Variants in SKOR2 observed in about 807,000 individuals in gnomAD.
SKOR2 encodes SKI family transcriptional corepressor 2, also known as LBX1 corepressor 1-like protein.
SKOR2 carries 47 observed loss-of-function variants against 69.1 expected under a neutral mutation model. The ratio of observed to expected loss-of-function variants is 0.68; its 90% CI spans 0.54 to 0.87. The LOEUF (loss-of-function observed/expected upper bound fraction) is 0.87, where lower values mean the gene tolerates loss of function less well. Among genes scored for constraint, SKOR2 ranks in the 40% least tolerant of loss-of-function variants. SKOR2 has a pLI of 0.00. For missense variants in SKOR2, 1,404 were observed against 1,472.2 expected, an observed-to-expected ratio of 0.95 and a Z score of 0.76; for synonymous variants, 717 against 672.6, an observed-to-expected ratio of 1.07 and a Z score of -1.02.
chr18:47,247,432 C>T lies in SKOR2; in HGVS notation c.1752G>A (p.Gly584=), dbSNP rs1215927995. ...CAGACCCGGCGGCCGCGGCCCCTGC[C>T]CCGGCAGCTGCCACAGAGTCCGCGG... ...TPPADSVAAA[G]AGAAAAGSGP... is the part of the protein sequence containing the mutation. Residue 584 remains glycine (G), a synonymous_variant, in exon 2 of 9, where the codon GGG becomes GGA. Coordinates refer to ENST00000425639, the MANE Select transcript of SKOR2 (RefSeq NM_001278063.4). The surrounding 1 kb of genome is among the most constrained non-coding windows in gnomAD (Gnocchi z 6.6). The T allele has an allele frequency of 4.7e-6, 6 of 1,282,494 alleles. No individual in the cohort carries two copies. In the African/African-American group the frequency reaches 7.8e-5, roughly 17 times the overall value. 79.4% of individuals were successfully genotyped at this position (1,282,494 alleles called of 1,614,324 possible).
intron 8 of SKOR2, among the ~76,000 whole-genome samples, chr18:47,211,221 G>A (rs1407770648): frequency 1.3e-5 from 2 of 152,172 alleles, no homozygotes; most frequent in Non-Finnish European, 2.9e-5. Flanking sequence ...AGTGGGAAGA[G>A]TCATTCTGAT....
rs2064276058 is a variant in SKOR2, at chr18:47,246,737, G to A, written c.2447C>T (p.Ser816Phe). Residue 816 changes from serine (S) to phenylalanine (F), a missense_variant, in exon 2 of 9, where the codon TCC (serine) becomes TTC (phenylalanine). Coordinates refer to ENST00000425639, the MANE Select transcript of SKOR2 (RefSeq NM_001278063.4). ...CCCGTCTTCCTGCAGCAGCCTGGAG[G>A]AGTTCAGGCCGAGCGGGAACGCGCC... is the stretch of plus-strand genomic sequence containing the variant. ...VAGAFPLGLN[S>F]SRLLQEDGKL... The A allele has an allele frequency of 2.8e-6, 4 of 1,426,684 alleles. No homozygotes were observed. The highest frequency in any genetic ancestry group is 1.5e-5 in the African/African-American group (1 of 65,888). 88.4% of individuals were successfully genotyped at this position (1,426,684 alleles called of 1,614,324 possible). A position where few individuals can be genotyped will look rare whatever the true frequency, so the allele number is the denominator to read the frequency against.
intron 6 of SKOR2, among the ~76,000 whole-genome samples, chr18:47,228,981 A>T (rs1362789126): frequency 6.6e-6 from 1 of 152,082 alleles, no homozygotes; most frequent in Non-Finnish European, 1.5e-5. Context: ...CACTTTGCAG[A>T]CCCTCCCATT....
chr18:47,240,647 G>T (rs543729761), intron 4 of SKOR2, among the ~76,000 whole-genome samples: 1 of 152,150 alleles, frequency 6.6e-6, no homozygotes, highest in African/African-American at 2.4e-5. Context: ...TTAATGAAAA[G>T]TAATAGTTAC....
At chr18:47,234,645 A>T (rs967851296) in intron 4 of SKOR2, 1 of 151,904 alleles carries the variant, frequency 6.6e-6, no homozygotes, top group Non-Finnish European at 1.5e-5. Context: ...TGGATCACCT[A>T]AGGTCAGGAG....
At chr18:47,228,435 G>A (rs2064186306) in intron 6 of SKOR2, among the ~76,000 whole-genome samples, 1 of 152,202 alleles carries the variant, frequency 6.6e-6, no homozygotes, top group African/African-American at 2.4e-5. Flanking sequence ...TTGTTTAACG[G>A]AAACATGTAC....
rs2064275050 is a variant in SKOR2, at chr18:47,246,658, G to A, written c.2526C>T (p.Ala842=). The A allele has an allele frequency of 2.7e-6, 4 of 1,503,280 alleles. No homozygotes were observed. Among genetic ancestry groups the A allele is most frequent in the African/African-American group, 2.9e-5 (2 of 69,522 alleles). 93.1% of individuals were successfully genotyped at this position (1,503,280 alleles called of 1,614,324 possible). A position where few individuals can be genotyped will look rare whatever the true frequency, so the allele number is the denominator to read the frequency against. Reference sequence around the variant, plus strand: ...TGCCGCCGCCACTCGCCTTCTGGGGGGCCAGGGGCGGCGGCGGGGGCGGGG... The same window carrying A: ...TGCCGCCGCCACTCGCCTTCTGGGGAGCCAGGGGCGGCGGCGGGGGCGGGG... ...DLPPPPPPPL[A]PQKASGGGSS... is the part of the protein sequence containing the mutation. The change falls in exon 2 of 9, where the codon GCC becomes GCT. Residue 842 remains alanine (A), a synonymous_variant. Transcript: ENST00000425639.
intron 6 of SKOR2, among the ~76,000 whole-genome samples, chr18:47,224,710 G>A (rs2064172913): frequency 6.6e-6 from 1 of 151,972 alleles, no homozygotes; most frequent in Non-Finnish European, 1.5e-5. Flanking sequence ...GACCTCCTGG[G>A]TTCAAGTGAT....
At chr18:47,214,849 C>A (rs2064138927) in intron 7 of SKOR2, among the ~76,000 whole-genome samples, 1 of 152,104 alleles carries the variant, frequency 6.6e-6, no homozygotes, top group Non-Finnish European at 1.5e-5. Context: ...CCATGCAAAT[C>A]TCCTACAATA....
intron 4 of SKOR2, among the ~76,000 whole-genome samples, chr18:47,235,004 G>A (rs2064216168): frequency 2.0e-5 from 3 of 152,098 alleles, no homozygotes; most frequent in Admixed American, 2.0e-4. Context: ...AAAAAAACTG[G>A]TTTGAAGTTG....
chr18:47,247,694 C>A lies in SKOR2; in HGVS notation c.1490G>T (p.Cys497Phe). ...PPPQPPSALG[C>F]ALGESPALLR... ...CAGGGCCGGGCTTTCGCCTAGCGCG[C>A]AGCCTAGCGCCGAGGGCGGCTGAGG... The change falls in exon 2 of 9, where the codon TGC (cysteine) becomes TTC (phenylalanine). Residue 497 changes from cysteine to phenylalanine, a missense_variant. Coordinates refer to ENST00000425639, the MANE Select transcript of SKOR2 (RefSeq NM_001278063.4). This position sits in a 1 kb window ranked among gnomAD's most constrained non-coding sequence, Gnocchi z 6.6. 1.5e-6 allele frequency: 2 copies of A among 1,355,658 alleles called. No homozygotes were observed. The highest frequency in any genetic ancestry group is 1.8e-5 in the South Asian group (1 of 55,256). 84.0% of individuals were successfully genotyped at this position (1,355,658 alleles called of 1,614,324 possible).
At chr18:47,237,536 G>A (rs1042787108) in intron 4 of SKOR2, among the ~76,000 whole-genome samples, 2 of 152,152 alleles carry the variant, frequency 1.3e-5, no homozygotes, top group East Asian at 3.8e-4. Context: ...CAATAAATAA[G>A]AGCATTTAAA....
intron 6 of SKOR2, among the ~76,000 whole-genome samples, chr18:47,223,480 A>G (rs1415905737): frequency 6.6e-6 from 1 of 152,216 alleles, no homozygotes; most frequent in Non-Finnish European, 1.5e-5. Context: ...CTTTAACACA[A>G]CAACACTTTT....
Position 47,246,572 on chromosome 18 carries a change from T to C in SKOR2, c.2612A>G (p.Asp871Gly). ...AAGGAGCCTAAAGGGGATATTTACA[T>C]CTTTGTAGGAGGGCTGCTCCTCCAG... ...PSLEEQPSYK[D>G]SQKTKENNQV... Residue 871 changes from aspartate to glycine, a missense_variant and splice_region_variant, in exon 2 of 9, where the codon GAT (aspartate) becomes GGT (glycine). Transcript: ENST00000425639. The C allele has an allele frequency of 6.6e-7, 1 of 1,514,986 alleles. No homozygotes were observed. The highest frequency in any genetic ancestry group is 1.2e-5 in the South Asian group (1 of 82,746). 93.8% of individuals were successfully genotyped at this position (1,514,986 alleles called of 1,614,324 possible).
rs749861017 is a variant in SKOR2, at chr18:47,246,706, G to A, written c.2478C>T (p.Leu826=). The change falls in exon 2 of 9, where the codon CTC becomes CTT. Residue 826 remains leucine, a synonymous_variant. Transcript: ENST00000425639. ...GGGGCAGGTCCGAGCCGGGGTCCCC[G>A]AGTTTCCCGTCTTCCTGCAGCAGCC... is the stretch of plus-strand genomic sequence containing the variant. ...SSRLLQEDGK[L]GDPGSDLPPP... is the part of the protein sequence containing the mutation. 1.4e-6 allele frequency: 2 copies of A among 1,455,332 alleles called. No homozygotes were observed. Among genetic ancestry groups the A allele is most frequent in the South Asian group, 1.4e-5 (1 of 72,936 alleles). The allele number at this position is 1,455,332 out of a possible 1,614,324, so 90.2% of individuals were successfully genotyped here.
chr18:47,208,988 G>A (rs545931357), intron 8 of SKOR2, among the ~76,000 whole-genome samples: 50 of 152,284 alleles, frequency 3.3e-4, no homozygotes, highest in African/African-American at 1.1e-3. Context: ...CAGGGTAATG[G>A]ATCTTTATGG....
At position 47,247,530 on chromosome 18, in the gene SKOR2, C is replaced by T; in HGVS notation, c.1654G>A (p.Gly552Ser). 1.6e-6 allele frequency: 2 copies of T among 1,215,186 alleles called. No homozygotes were observed. The highest frequency in any genetic ancestry group is 1.0e-6 in the Non-Finnish European group (1 of 978,228). 75.3% of individuals were successfully genotyped at this position (1,215,186 alleles called of 1,614,324 possible). ...SGPPPPAGGA[G>S]SRDALFESPP... ...GACTCGAAGAGCGCGTCGCGAGAGC[C>T]GGCGCCCCCGGCAGGAGGAGGTGGG... The change falls in exon 2 of 9, where the codon GGC becomes AGC. Residue 552 changes from glycine (G) to serine (S), a missense_variant. Coordinates refer to ENST00000425639, the MANE Select transcript of SKOR2 (RefSeq NM_001278063.4). The surrounding 1 kb of genome is among the most constrained non-coding windows in gnomAD (Gnocchi z 6.6).
At chr18:47,223,823 C>T (rs2064169370) in intron 6 of SKOR2, among the ~76,000 whole-genome samples, 1 of 151,714 alleles carries the variant, frequency 6.6e-6, no homozygotes, top group East Asian at 1.9e-4. Flanking sequence ...AAATTTTCCA[C>T]AACAAGGATG....
At chr18:47,237,316 A>G (rs565555503) in intron 4 of SKOR2, among the ~76,000 whole-genome samples, 3 of 152,372 alleles carry the variant, frequency 2.0e-5, no homozygotes, top group East Asian at 3.9e-4. Flanking sequence ...AACAAACAAA[A>G]CCACAGCACT....
Sources: gnomAD v4.1 joint callset for allele counts (sites outside exome capture counted in the v4.1 genomes callset) on GRCh38, gnomAD v4.1.1 for gene constraint, Gnocchi (gnomAD v3.1) non-coding constraint, MANE v1.5 for transcripts, NCBI Gene and HGNC (gene_info 2026-07-23, HGNC 2026-07-21) for gene names.